Variants in ADAMTS2 observed in about 807,000 individuals in gnomAD.
The protein encoded by ADAMTS2 is A disintegrin and metalloproteinase with thrombospondin motifs 2.
In ADAMTS2, 50 loss-of-function variants were observed where a neutral mutation model predicts 123.0. That is an observed-to-expected ratio of 0.41 (90% CI 0.32 to 0.51). The LOEUF (loss-of-function observed/expected upper bound fraction) is 0.51. Ranked by LOEUF, ADAMTS2 falls within the 20% of genes least tolerant of loss-of-function variation. ADAMTS2 has a pLI of 0.35. For synonymous variants in ADAMTS2, 678 were observed against 695.4 expected (o/e 0.98, Z 0.39); for missense variants, 1,494 against 1,705.2 (o/e 0.88, Z 2.18).
intron 5 of ADAMTS2, among the ~76,000 whole-genome samples, chr5:179,172,371 C>G (rs935682054): frequency 6.6e-6 from 1 of 152,208 alleles, no homozygotes; most frequent in African/African-American, 2.4e-5. Flanking sequence ...CCCAGTGAAG[C>G]AGAGCTTCTG....
chr5:179,233,955 T>G (rs975241124), intron 3 of ADAMTS2, among the ~76,000 whole-genome samples: 4 of 152,112 alleles, frequency 2.6e-5, no homozygotes, highest in Admixed American at 2.6e-4. Context: ...AGTGTGGGAT[T>G]TGAGCCGCAG....
At chr5:179,141,876 C>T (rs1763178288) in intron 10 of ADAMTS2, among the ~76,000 whole-genome samples, 1 of 152,196 alleles carries the variant, frequency 6.6e-6, no homozygotes, top group Non-Finnish European at 1.5e-5. Flanking sequence ...CCAGGTACAC[C>T]AGGCCAAGAA....
intron 10 of ADAMTS2, among the ~76,000 whole-genome samples, chr5:179,141,282 G>T (rs1396373269): frequency 6.6e-6 from 1 of 152,176 alleles, no homozygotes; most frequent in Non-Finnish European, 1.5e-5. Context: ...TGTAGACTTT[G>T]CAGGCTATAT....
chr5:179,130,189 C>T lies in ADAMTS2; in HGVS notation c.2291-91G>A. ...TGGGCTGGTCGGGGAGTGGGGGCAG[C>T]TAGCTGGACCCCTTGTCTCTCTGGC... On this transcript the variant is annotated intron_variant, in intron 15 of 21. Coordinates refer to ENST00000251582, the MANE Select transcript of ADAMTS2 (RefSeq NM_014244.5). The surrounding 1 kb of genome is among the most constrained non-coding windows in gnomAD (Gnocchi z 4.3). 6.6e-7 allele frequency: 1 copy of T among 1,506,236 alleles called. No homozygotes were observed. The highest frequency in any genetic ancestry group is 9.2e-7 in the Non-Finnish European group (1 of 1,091,676). The allele number at this position is 1,506,236 out of a possible 1,614,324, so 93.3% of individuals were successfully genotyped here.
intron 3 of ADAMTS2, among the ~76,000 whole-genome samples, chr5:179,271,532 G>A (rs779641597): frequency 4.0e-4 from 61 of 152,240 alleles, no homozygotes; most frequent in African/African-American, 1.3e-3. Context: ...CCCCTTCCAC[G>A]CTGGCCCTCC....
chr5:179,277,253 C>T (rs1177631402), intron 2 of ADAMTS2, among the ~76,000 whole-genome samples: 5 of 152,084 alleles, frequency 3.3e-5, no homozygotes, highest in African/African-American at 1.2e-4. Flanking sequence ...TGTTGACCAC[C>T]GTGCGATGCG....
chr5:179,145,680 TGAGTGGCTAC>T (rs1358190526), intron 10 of ADAMTS2, among the ~76,000 whole-genome samples: 11 of 152,118 alleles, frequency 7.2e-5, no homozygotes, highest in Non-Finnish European at 1.3e-4. Context: ...AGCAAGAGGA[TGAGTGGCTAC>T]GAGTGGCTAT....
intron 3 of ADAMTS2, among the ~76,000 whole-genome samples, chr5:179,249,753 C>T (rs1312876872): frequency 6.6e-6 from 1 of 152,040 alleles, no homozygotes; most frequent in Admixed American, 6.6e-5. Context: ...TTGAATCAGT[C>T]ATCAAAAACT....
Position 179,195,649 on chromosome 5 carries a change from C to T in ADAMTS2, c.891+11864G>A, listed in dbSNP as rs991954459. ...AGTCCCCACCACTCCCAACAGCCTTCAGCCACCTGGGCCCCTCGGGCCTGG... is the reference window on the plus strand; with the variant it reads ...AGTCCCCACCACTCCCAACAGCCTTTAGCCACCTGGGCCCCTCGGGCCTGG... On this transcript the variant is annotated intron_variant, in intron 4 of 21. Coordinates refer to ENST00000251582, the MANE Select transcript of ADAMTS2 (RefSeq NM_014244.5). Among the ~76,000 whole-genome samples the T allele has an allele frequency of 3.3e-5, 5 of 152,266 alleles. No homozygotes were observed. In the East Asian group the frequency reaches 9.6e-4, roughly 29 times the overall value.
intron 17 of ADAMTS2, 49 bp from the exon 18 acceptor site, chr5:179,126,179 C>G: frequency 1.9e-6 from 3 of 1,611,392 alleles, no homozygotes; most frequent in Non-Finnish European, 2.5e-6. Context: ...ATGCCCTGCC[C>G]GAGGGTGCAA....
At chr5:179,253,006 T>C (rs2113472020) in intron 3 of ADAMTS2, among the ~76,000 whole-genome samples, 1 of 152,346 alleles carries the variant, frequency 6.6e-6, no homozygotes, top group East Asian at 1.9e-4. Flanking sequence ...GTGACCTGTC[T>C]TTCCCCAGCA....
Position 179,197,048 on chromosome 5 carries a change from G to A in ADAMTS2, c.891+10465C>T, listed in dbSNP as rs896754106. Among the ~76,000 whole-genome samples, 6 of 152,224 alleles carry A rather than the reference G, an allele frequency of 3.9e-5. No individual in the cohort carries two copies. The highest frequency in any genetic ancestry group is 1.4e-4 in the African/African-American group (6 of 41,464). On this transcript the variant is annotated intron_variant, in intron 4 of 21. Transcript: ENST00000251582. The surrounding 1 kb of genome is among the most constrained non-coding windows in gnomAD (Gnocchi z 4.2). Reference sequence around the variant, plus strand: ...TCCAAATTTACTTTAATGTAAAACTGATGTTTTAAAATGCTTACCATCCAA... The same window carrying A: ...TCCAAATTTACTTTAATGTAAAACTAATGTTTTAAAATGCTTACCATCCAA...
intron 21 of ADAMTS2, among the ~76,000 whole-genome samples, chr5:179,119,583 T>C (rs2112319): frequency 0.95 from 144,026 of 152,322 alleles, 68,179 homozygotes; most frequent in East Asian, 1. Context: ...TTGGAAGACA[T>C]GGGCAGGCCA....
chr5:179,135,912 G>A lies in ADAMTS2; in HGVS notation c.2082C>T (p.Cys694=). The A allele has an allele frequency of 1.2e-6, 2 of 1,613,112 alleles. No homozygotes were observed. The highest frequency in any genetic ancestry group is 1.7e-6 in the Non-Finnish European group (2 of 1,180,016). The change falls in exon 13 of 22, where the codon TGC becomes TGT. Residue 694 remains cysteine, a synonymous_variant. Coordinates refer to ENST00000251582, the MANE Select transcript of ADAMTS2 (RefSeq NM_014244.5). ...GTGCCGGCCTCTGTGTACTCACCCT[G>A]CAGTCCCCGCGCACACAGAGGCTGA... ...DAFSLCVRGD[C]RKVGCDGVIG...
Position 179,155,386 on chromosome 5 carries a change from T to TG in ADAMTS2, c.1133-468dup, listed in dbSNP as rs767148297. 1.3e-4 allele frequency among the ~76,000 whole-genome samples: 20 copies of TG among 152,260 alleles called. No individual in the cohort carries two copies. The East Asian group carries it at 2.3e-3, about 18-fold the overall frequency. ...TCACACCCTCCAAGCCCACCTCCTC[T>TG]GGGGGGCGTTTCTTGGGTCTCCCCG... is the stretch of plus-strand genomic sequence containing the variant. On this transcript the variant is annotated intron_variant, in intron 6 of 21. Transcript: ENST00000251582. The surrounding 1 kb of genome is among the most constrained non-coding windows in gnomAD (Gnocchi z 5.1).
chr5:179,146,598 T>C (rs1336471558), intron 10 of ADAMTS2, among the ~76,000 whole-genome samples: 1 of 152,246 alleles, frequency 6.6e-6, no homozygotes, highest in Non-Finnish European at 1.5e-5. Context: ...TTCATCAGAT[T>C]CACTCCTCTT....
intron 2 of ADAMTS2, among the ~76,000 whole-genome samples, chr5:179,339,210 A>G (rs1757700574): frequency 6.6e-6 from 1 of 152,170 alleles, no homozygotes. Context: ...GGCCCGCATC[A>G]CAGCCATGGG....
chr5:179,121,590 C>A, intron 21 of ADAMTS2, 71 bp downstream of exon 21: 3 of 1,316,368 alleles, frequency 2.3e-6, no homozygotes, highest in Non-Finnish European at 3.2e-6. Context: ...GGAGGGGGGC[C>A]CAAGGCAAGC....
intron 3 of ADAMTS2, among the ~76,000 whole-genome samples, chr5:179,240,510 G>C (rs958068713): frequency 4.6e-5 from 7 of 152,132 alleles, no homozygotes; most frequent in African/African-American, 1.7e-4. Context: ...AAAGGGAACC[G>C]GGAAAATAGA....
Sources: gnomAD v4.1 joint callset for allele counts (sites outside exome capture counted in the v4.1 genomes callset) on GRCh38, gnomAD v4.1.1 for gene constraint, Gnocchi (gnomAD v3.1) non-coding constraint, MANE v1.5 for transcripts, NCBI Gene and HGNC (gene_info 2026-07-23, HGNC 2026-07-21) for gene names.